The following SLC8A1 variants were observed in gnomAD, a reference collection of about 807,000 sequenced individuals.
The protein encoded by SLC8A1 is sodium/calcium exchanger 1.
A neutral mutation model predicts 68.3 loss-of-function variants in SLC8A1; 18 were observed. The ratio of observed to expected loss-of-function variants is 0.26; its 90% CI spans 0.18 to 0.39. The LOEUF (loss-of-function observed/expected upper bound fraction) is 0.39, where lower values mean the gene tolerates loss of function less well. Ranked by LOEUF, SLC8A1 falls within the 10% of genes least tolerant of loss-of-function variation. The pLI, the probability that SLC8A1 is intolerant of heterozygous loss-of-function variation, is 1.00. For synonymous variants in SLC8A1, 475 were observed against 415.5 expected, an observed-to-expected ratio of 1.14 and a Z score of -1.74; for missense variants, 985 against 1,156.7, an observed-to-expected ratio of 0.85 and a Z score of 2.15.
chr2:40,479,710 G>C (rs1704509358), intron 1 of SLC8A1, among the ~76,000 whole-genome samples: 1 of 152,160 alleles, frequency 6.6e-6, no homozygotes, highest in Admixed American at 6.5e-5. Context: ...TTGACAATGA[G>C]TGTTTCCATC....
intron 2 of SLC8A1, among the ~76,000 whole-genome samples, chr2:40,212,377 C>T (rs1338651410): frequency 1.3e-5 from 2 of 149,606 alleles, no homozygotes; most frequent in South Asian, 2.1e-4. Context: ...CTCTGCCTCC[C>T]GGGTTCAAGC....
At chr2:40,287,217 T>C (rs2068462462) in intron 2 of SLC8A1, among the ~76,000 whole-genome samples, 1 of 152,234 alleles carries the variant, frequency 6.6e-6, no homozygotes, top group Non-Finnish European at 1.5e-5. Context: ...CAGCATTTGA[T>C]GTCTAAATTA....
intron 1 of SLC8A1, among the ~76,000 whole-genome samples, chr2:40,437,482 A>G (rs1008911559): frequency 9.2e-5 from 14 of 152,140 alleles, no homozygotes. Flanking sequence ...CTCCAAACTC[A>G]TGTAGTAAAC....
chr2:40,126,903 A>T (rs2038232673), intron 7 of SLC8A1, among the ~76,000 whole-genome samples: 1 of 152,222 alleles, frequency 6.6e-6, no homozygotes, highest in Admixed American at 6.5e-5. Flanking sequence ...ACTGGCCAGT[A>T]CATAGTGGGG....
chr2:40,473,399 C>T (rs1704106523), intron 1 of SLC8A1, among the ~76,000 whole-genome samples: 1 of 152,146 alleles, frequency 6.6e-6, no homozygotes, highest in African/African-American at 2.4e-5. Flanking sequence ...AACATCTCCT[C>T]CTCTCCATCT....
chr2:40,199,844 G>C (rs1382686222), intron 2 of SLC8A1, among the ~76,000 whole-genome samples: 1 of 151,478 alleles, frequency 6.6e-6, no homozygotes, highest in East Asian at 2.0e-4. Context: ...AGGAAAGAAA[G>C]AAAGATTGCT....
At chr2:40,151,268 C>CAT (rs1553363681) in intron 6 of SLC8A1, among the ~76,000 whole-genome samples, 1 of 150,894 alleles carries the variant, frequency 6.6e-6, no homozygotes, top group Non-Finnish European at 1.5e-5. Flanking sequence ...GTGTATGGTG[C>CAT]GTGTGTGTGT....
intron 1 of SLC8A1, among the ~76,000 whole-genome samples, chr2:40,504,681 A>G (rs1432247232): frequency 2.0e-5 from 3 of 152,098 alleles, no homozygotes; most frequent in South Asian, 2.1e-4. Flanking sequence ...AAAAGAAGAC[A>G]TACAAATGGT....
At chr2:40,320,507 A>G (rs1043441320) in intron 2 of SLC8A1, among the ~76,000 whole-genome samples, 1 of 152,182 alleles carries the variant, frequency 6.6e-6, no homozygotes, top group African/African-American at 2.4e-5. Context: ...CTACAATTTG[A>G]TGTCCAAAAA....
chr2:40,396,873 T>A (rs986748934), intron 2 of SLC8A1, among the ~76,000 whole-genome samples: 1 of 151,808 alleles, frequency 6.6e-6, no homozygotes, highest in East Asian at 1.9e-4. Flanking sequence ...TTTGGGTTGG[T>A]CTTCTAGCTA....
At chr2:40,164,821 C>A (rs551461280) in intron 5 of SLC8A1, 33 bp downstream of exon 8, 1 of 1,611,676 alleles carries the variant, frequency 6.2e-7, no homozygotes, top group South Asian at 1.1e-5. Context: ...CAAGGTGAGA[C>A]TGGCTCCTGG....
At chr2:40,106,561 T>C (rs928033389) in exon 8 of SLC8A1, 5 of 152,222 alleles carry the variant, frequency 3.3e-5, no homozygotes, top group African/African-American at 1.2e-4. Context: ...ATATTTATCA[T>C]AGACTTATCT....
chr2:40,359,134 C>T (rs1354736362), intron 2 of SLC8A1, among the ~76,000 whole-genome samples: 1 of 152,044 alleles, frequency 6.6e-6, no homozygotes, highest in African/African-American at 2.4e-5. Flanking sequence ...ACGTACGCAG[C>T]TATTGAGCAC....
chr2:40,313,494 G>A (rs892848898), intron 2 of SLC8A1, among the ~76,000 whole-genome samples: 2 of 152,026 alleles, frequency 1.3e-5, no homozygotes, highest in Non-Finnish European at 2.9e-5. Context: ...TCCTAAGGTA[G>A]TCGTACCATT....
intron 4 of SLC8A1, 83 bp from the exon 8 acceptor site, chr2:40,165,067 G>A (rs1292572309): frequency 1.3e-6 from 2 of 1,572,730 alleles, no homozygotes; most frequent in Admixed American, 1.7e-5. Flanking sequence ...GAAAGCCAAG[G>A]AGGAAGGAAG....
chr2:40,349,082 T>G (rs1375757137), intron 2 of SLC8A1, among the ~76,000 whole-genome samples: 1 of 152,210 alleles, frequency 6.6e-6, no homozygotes, highest in Non-Finnish European at 1.5e-5. Context: ...GACTCCTTCA[T>G]GCCCATTCTC....
intron 2 of SLC8A1, among the ~76,000 whole-genome samples, chr2:40,228,839 G>C (rs1055451516): frequency 7.2e-5 from 11 of 152,192 alleles, no homozygotes; most frequent in African/African-American, 2.6e-4. Context: ...GTGGAAAAAA[G>C]CTATACCTAT....
chr2:40,342,277 G>A (rs564906267), intron 2 of SLC8A1, among the ~76,000 whole-genome samples: 54 of 152,214 alleles, frequency 3.5e-4, no homozygotes, highest in African/African-American at 1.2e-3. Flanking sequence ...ACTTAGCTCT[G>A]CAAATGCTCT....
chr2:40,131,341 C>G (rs1411603057), intron 7 of SLC8A1, among the ~76,000 whole-genome samples: 1 of 152,210 alleles, frequency 6.6e-6, no homozygotes, highest in Non-Finnish European at 1.5e-5. Flanking sequence ...AGGCTGTTAA[C>G]TGTCAATCTA....
Sources: allele counts gnomAD v4.1 joint callset (sites outside exome capture counted in the v4.1 genomes callset), GRCh38; gene constraint gnomAD v4.1.1; transcripts MANE v1.5; gene names NCBI Gene and HGNC (gene_info 2026-07-23, HGNC 2026-07-21).